EPHA3: variants seen among roughly 807,000 people sequenced by gnomAD.
EPHA3 encodes the protein ephrin type-A receptor 3.
A neutral mutation model predicts 107.1 loss-of-function variants in EPHA3; 42 were observed. The ratio of observed to expected loss-of-function variants is 0.39; its 90% CI spans 0.31 to 0.51. The LOEUF (loss-of-function observed/expected upper bound fraction) is 0.51, where lower values mean the gene tolerates loss of function less well. Ranked by LOEUF, EPHA3 falls within the 20% of genes least tolerant of loss-of-function variation. EPHA3 has a pLI of 0.78. For synonymous variants in EPHA3, 461 were observed against 424.8 expected (o/e 1.09, Z -1.05); for missense variants, 1,183 against 1,211.2 (o/e 0.98, Z 0.35).
chr3:89,261,474 TC>T (rs1705415793), intron 3 of EPHA3, among the ~76,000 whole-genome samples: 1 of 152,174 alleles, frequency 6.6e-6, no homozygotes, highest in Non-Finnish European at 1.5e-5. Flanking sequence ...TTGTTATTTT[TC>T]ATGTATTTTT....
intron 13 of EPHA3, among the ~76,000 whole-genome samples, chr3:89,433,404 G>T (rs1709606769): frequency 6.6e-6 from 1 of 152,058 alleles, no homozygotes; most frequent in African/African-American, 2.4e-5. Flanking sequence ...AACCTAATAT[G>T]CCAGATAGCA....
Position 89,308,058 on chromosome 3 carries a change from T to A in EPHA3, c.815-32858T>A, listed in dbSNP as rs112671786. 5.3e-3 allele frequency among the ~76,000 whole-genome samples: 804 copies of A among 152,216 alleles called. 7 individuals carry two copies. The highest frequency in any genetic ancestry group is 0.019 in the African/African-American group (770 of 41,550). On this transcript the variant is annotated intron_variant, in intron 3 of 16. Transcript: ENST00000336596. ...TGATTGCCTGAATCATCTAATGAGG[T>A]CTTGGTGATTTTTTAATGTTCTTTG...
intron 3 of EPHA3, among the ~76,000 whole-genome samples, chr3:89,335,735 C>T (rs1047888408): frequency 1.8e-4 from 28 of 152,106 alleles, no homozygotes; most frequent in African/African-American, 6.5e-4. Context: ...GAGAAAGCAT[C>T]TCTGGAGCCA....
chr3:89,469,517 A>G (rs1379236132), intron 15 of EPHA3, among the ~76,000 whole-genome samples: 1 of 152,204 alleles, frequency 6.6e-6, no homozygotes, highest in Non-Finnish European at 1.5e-5. Flanking sequence ...TCACGAATCA[A>G]CTTTACACTT....
In EPHA3 at chr3:89,372,711, C is replaced by A. The variant is rs1708331431; in HGVS notation, c.1307-23126C>A. Among the ~76,000 whole-genome samples, 3 of 151,872 alleles carry A rather than the reference C, an allele frequency of 2.0e-5. No individual in the cohort carries two copies. The South Asian group carries it at 6.2e-4, about 31-fold the overall frequency. ...TTCACTTTATAGTCATTCATTTGAA[C>A]AGCTTAGTCTCTGTCTCCTACAGAC... On this transcript the variant is annotated intron_variant, in intron 5 of 16. Transcript: ENST00000336596.
intron 3 of EPHA3, among the ~76,000 whole-genome samples, chr3:89,280,445 T>C (rs1468263404): frequency 6.6e-6 from 1 of 152,202 alleles, no homozygotes; most frequent in African/African-American, 2.4e-5. Context: ...ACATCTCCTC[T>C]GTCTATTATA....
chr3:89,295,170 G>GA (rs34756405), intron 3 of EPHA3, among the ~76,000 whole-genome samples: 75,796 of 151,992 alleles, frequency 0.5, 19,910 homozygotes, highest in African/African-American at 0.66. Flanking sequence ...CAGTGCATAT[G>GA]AAGGTTATGT....
chr3:89,345,117 A>G lies in EPHA3; in HGVS notation c.1306+3027A>G, dbSNP rs1214989776. ...ATCATTCCACTAGTGGAATATGCAT[A>G]TCTGTTCATTCTTAACTGCCATTAT... is the stretch of plus-strand genomic sequence containing the variant. On this transcript the variant is annotated intron_variant, in intron 5 of 16. Coordinates refer to ENST00000336596, the MANE Select transcript of EPHA3 (RefSeq NM_005233.6). Among the ~76,000 whole-genome samples the G allele has an allele frequency of 3.3e-5, 5 of 150,972 alleles. No individual in the cohort carries two copies. In the Admixed American group the frequency reaches 3.3e-4, roughly 10 times the overall value.
intron 13 of EPHA3, among the ~76,000 whole-genome samples, chr3:89,447,714 T>C (rs1459417115): frequency 1.3e-5 from 2 of 152,174 alleles, no homozygotes; most frequent in Non-Finnish European, 2.9e-5. Flanking sequence ...GAGTCCTTAC[T>C]ATGTCCTAGG....
chr3:89,273,909 G>T (rs1252844519), intron 3 of EPHA3, among the ~76,000 whole-genome samples: 1 of 151,788 alleles, frequency 6.6e-6, no homozygotes, highest in African/African-American at 2.4e-5. Context: ...TGTGCTTTCG[G>T]GCCATTTTAT....
At chr3:89,184,474 C>A (rs925287459) in intron 2 of EPHA3, among the ~76,000 whole-genome samples, 3 of 151,886 alleles carry the variant, frequency 2.0e-5, no homozygotes, top group Non-Finnish European at 4.4e-5. Context: ...TTTAGATATG[C>A]CATAAGTGAT....
chr3:89,438,863 G>T (rs1477280881), intron 13 of EPHA3, among the ~76,000 whole-genome samples: 1 of 152,122 alleles, frequency 6.6e-6, no homozygotes, highest in Admixed American at 6.6e-5. Context: ...AATTAATGTT[G>T]AATCGACACT....
At chr3:89,170,323 A>G (rs1705183011) in intron 2 of EPHA3, among the ~76,000 whole-genome samples, 1 of 151,852 alleles carries the variant, frequency 6.6e-6, no homozygotes, top group African/African-American at 2.4e-5. Context: ...AGAATTACTT[A>G]AGTTTAAACC....
rs556966189 is a variant in EPHA3 at position 89,315,102 on chromosome 3, T to C, written c.815-25814T>C. Among the ~76,000 whole-genome samples the C allele has an allele frequency of 5.9e-5, 9 of 151,984 alleles. No homozygotes were observed. The South Asian group carries it at 1.0e-3, about 17-fold the overall frequency. On this transcript the variant is annotated intron_variant, in intron 3 of 16. Transcript: ENST00000336596. ...GTAAAAATATGGCATTATAATCTTATGGGTCCACTGTCATGCACGCTGTCC... is the reference window on the plus strand; with the variant it reads ...GTAAAAATATGGCATTATAATCTTACGGGTCCACTGTCATGCACGCTGTCC...
At chr3:89,224,866 A>G (rs1319483680) in intron 3 of EPHA3, among the ~76,000 whole-genome samples, 3 of 151,648 alleles carry the variant, frequency 2.0e-5, no homozygotes, top group Non-Finnish European at 4.4e-5. Context: ...TAATAATAAT[A>G]ATGATAATAA....
At chr3:89,155,032 A>T (rs1364257493) in intron 2 of EPHA3, among the ~76,000 whole-genome samples, 1 of 151,458 alleles carries the variant, frequency 6.6e-6, no homozygotes, top group African/African-American at 2.4e-5. Context: ...CTTGAAGTTT[A>T]TTCAAACTGA....
intron 9 of EPHA3, among the ~76,000 whole-genome samples, chr3:89,412,064 C>T (rs1166634659): frequency 6.6e-6 from 1 of 151,704 alleles, no homozygotes. Flanking sequence ...AGCAGATATA[C>T]CATAGGAGTT....
At chr3:89,375,764 T>C (rs867139571) in intron 5 of EPHA3, among the ~76,000 whole-genome samples, 1 of 151,932 alleles carries the variant, frequency 6.6e-6, no homozygotes, top group Non-Finnish European at 1.5e-5. Context: ...CAAAGGGATA[T>C]TGTACAGACA....
intron 3 of EPHA3, among the ~76,000 whole-genome samples, chr3:89,213,593 T>C (rs1218952954): frequency 6.6e-6 from 1 of 152,024 alleles, no homozygotes; most frequent in African/African-American, 2.4e-5. Flanking sequence ...AGTAAAGGAA[T>C]AACAAATATT....
Sources: gnomAD v4.1 joint callset for allele counts (sites outside exome capture counted in the v4.1 genomes callset) on GRCh38, gnomAD v4.1.1 for gene constraint, MANE v1.5 for transcripts, NCBI Gene and HGNC (gene_info 2026-07-23, HGNC 2026-07-21) for gene names.